IQCE: variants seen among roughly 807,000 people sequenced by gnomAD.
IQCE encodes the protein IQ domain-containing protein E.
In IQCE, 115 loss-of-function variants were observed where a neutral mutation model predicts 96.0. The observed-to-expected ratio is 1.20, with a 90% CI of 1.03 to 1.40. The LOEUF is 1.40. IQCE is among the 40% of genes most tolerant of loss of function. IQCE has a pLI of 0.00. For missense variants in IQCE, 1,041 were observed against 909.1 expected (o/e 1.15, Z -1.87); for synonymous variants, 412 against 371.2 (o/e 1.11, Z -1.26).
intron 9 of IQCE, 119 bp from the exon 10 acceptor site, chr7:2,583,518 C>T (rs1476419295): frequency 2.4e-5 from 13 of 537,068 alleles, no homozygotes; most frequent in Non-Finnish European, 3.7e-5. Context: ...GCTTTTCCCT[C>T]CCATCCTGGG....
At chr7:2,605,628 ATAAATAAG>A (rs1174757866) in intron 19 of IQCE, among the ~76,000 whole-genome samples, 2 of 145,180 alleles carry the variant, frequency 1.4e-5, no homozygotes, top group African/African-American at 2.6e-5. Context: ...TCAAAAATAA[ATAAATAAG>A]TAAATAAATA....
chr7:2,572,075 C>A, intron 4 of IQCE, 117 bp from the exon 5 acceptor site: 1 of 1,098,166 alleles, frequency 9.1e-7, no homozygotes, highest in Non-Finnish European at 1.3e-6. Context: ...ACGACACTGA[C>A]GGCTGGCGTC....
Position 2,607,377 on chromosome 7 carries a change from T to TA in IQCE, c.1969+151dup, listed in dbSNP as rs765953690. The TA allele has an allele frequency of 1.0e-5, 14 of 1,391,086 alleles. No individual in the cohort carries two copies. In the East Asian group the frequency reaches 2.0e-4, roughly 20 times the overall value. 86.2% of individuals were successfully genotyped at this position (1,391,086 alleles called of 1,614,324 possible). A position where few individuals can be genotyped will look rare whatever the true frequency, so the allele number is the denominator to read the frequency against. On this transcript the variant is annotated intron_variant, in intron 21 of 21. Transcript: ENST00000402050. The stretch of plus-strand genomic sequence containing the variant: ...GCTGCCTCTGAACTAAGCGTCGCCT[T>TA]ATGCCAGGAAGGCCCACAACAGGGC...
Position 2,605,892 on chromosome 7 carries a change from G to A in IQCE, c.1760G>A (p.Arg587His), listed in dbSNP as rs10950797. 262,716 of 1,603,448 alleles carry A rather than the reference G, an allele frequency of 0.16. 26,198 individuals are homozygous for A. Among genetic ancestry groups the A allele is most frequent in the East Asian group, 0.47 (20,572 of 43,818 alleles). Residue 587 changes from arginine (R) to histidine (H), a missense_variant, in exon 20 of 22, where the codon CGC becomes CAC. Coordinates refer to ENST00000402050, the MANE Select transcript of IQCE (RefSeq NM_152558.5). ...GCACCCCAGAGCTCTCCTGTGCCCC[G>A]CGTTCCGAGCCCCATCGCCCAGGCC... ...GLPDQSSPVP[R>H]VPSPIAQATG...
At chr7:2,609,078 C>T (rs968188770) in intron 21 of IQCE, among the ~76,000 whole-genome samples, 18 of 152,196 alleles carry the variant, frequency 1.2e-4, no homozygotes, top group Admixed American at 3.9e-4. Flanking sequence ...GCAAGGAGCT[C>T]TGGGGCTGCT....
chr7:2,566,128 A>C (rs969627294), intron 1 of IQCE, among the ~76,000 whole-genome samples: 1 of 152,204 alleles, frequency 6.6e-6, no homozygotes, highest in Non-Finnish European at 1.5e-5. Context: ...AAGCTGTAGA[A>C]CTATTGGCTC....
intron 6 of IQCE, among the ~76,000 whole-genome samples, chr7:2,577,664 C>T (rs543814617): frequency 9.7e-5 from 7 of 71,852 alleles, no homozygotes; most frequent in African/African-American, 3.5e-4. Context: ...GCTGTGCGCG[C>T]GGGGACGTGT....
rs1783901041 is a variant in IQCE at position 2,594,885 on chromosome 7, G to C, written c.1350-1G>C. On this transcript the variant is annotated splice_acceptor_variant, in intron 15 of 21. Coordinates refer to ENST00000402050, the MANE Select transcript of IQCE (RefSeq NM_152558.5). LOFTEE classifies it high-confidence loss of function. The stretch of plus-strand genomic sequence containing the variant: ...TCTCATCTTTTCCCTTTCCGCCTTA[G>C]AGAGGAGATTCAGACACTTACCAGC... 2 of 1,607,750 alleles carry C rather than the reference G, an allele frequency of 1.2e-6. No homozygotes were observed. The highest frequency in any genetic ancestry group is 1.3e-5 in the African/African-American group (1 of 74,810).
chr7:2,574,823 C>T (rs1470341379), intron 6 of IQCE, among the ~76,000 whole-genome samples: 2 of 152,140 alleles, frequency 1.3e-5, no homozygotes, highest in African/African-American at 2.4e-5. Context: ...ATTCTGTCCT[C>T]GAGCTCACGG....
chr7:2,596,569 A>T (rs907332886), intron 16 of IQCE, among the ~76,000 whole-genome samples: 2 of 152,250 alleles, frequency 1.3e-5, no homozygotes, highest in East Asian at 3.8e-4. Flanking sequence ...AGCTCTCAGC[A>T]TTCACATGGG....
At position 2,612,989 on chromosome 7, in the gene IQCE, G is replaced by A. The variant is rs1481308259; in HGVS notation, c.*2827G>A. The A allele has an allele frequency of 6.6e-6, 1 of 152,246 alleles. No homozygotes were observed. The highest frequency in any genetic ancestry group is 2.4e-5 in the African/African-American group (1 of 41,440). 9.4% of individuals were successfully genotyped at this position (152,246 alleles called of 1,614,324 possible). A position where few individuals can be genotyped will look rare whatever the true frequency, so the allele number is the denominator to read the frequency against. On this transcript the variant is annotated 3_prime_UTR_variant, in exon 22 of 22. Transcript: ENST00000402050. The stretch of plus-strand genomic sequence containing the variant: ...CTACCACTTCAGGGTCGACGTTGGT[G>A]GCAGGTGTTGTTCACGGTGTACTGA...
At chr7:2,597,047 C>T (rs909134485) in intron 16 of IQCE, 2 of 471,314 alleles carry the variant, frequency 4.2e-6, no homozygotes, top group Non-Finnish European at 4.4e-6. Context: ...CGCAAGGCCA[C>T]GCAGGAGCGG....
At chr7:2,579,134 A>G (rs1013146751) in intron 8 of IQCE, among the ~76,000 whole-genome samples, 1 of 151,906 alleles carries the variant, frequency 6.6e-6, no homozygotes, top group African/African-American at 2.4e-5. Flanking sequence ...CTCAGATACT[A>G]TGTGACAATA....
At chr7:2,571,413 A>T in intron 3 of IQCE, 113 bp from the exon 4 acceptor site, 1 of 1,328,908 alleles carries the variant, frequency 7.5e-7, no homozygotes, top group Non-Finnish European at 1.1e-6. Flanking sequence ...ATGTTTGACT[A>T]GAGTCACCAC....
chr7:2,609,947 T>C (rs1260759464), intron 21 of IQCE, 97 bp from the exon 22 acceptor site: 13 of 718,736 alleles, frequency 1.8e-5, no homozygotes, highest in Non-Finnish European at 9.8e-6. Context: ...GCTGCCGTCT[T>C]GCCTGCCGGG....
chr7:2,563,562 T>A (rs114674729), intron 1 of IQCE, among the ~76,000 whole-genome samples: 1,656 of 152,234 alleles, frequency 0.011, 31 homozygotes, highest in African/African-American at 0.037. Flanking sequence ...GTGATCTTTT[T>A]AAAATATAGA....
At chr7:2,603,018 G>A (rs936680894) in intron 18 of IQCE, among the ~76,000 whole-genome samples, 59 of 152,286 alleles carry the variant, frequency 3.9e-4, no homozygotes, top group Non-Finnish European at 7.4e-4. Context: ...CTTCGGTTCT[G>A]CAGCCCCTCC....
chr7:2,608,192 G>A (rs1239095791), intron 21 of IQCE, among the ~76,000 whole-genome samples: 1 of 152,228 alleles, frequency 6.6e-6, no homozygotes, highest in Non-Finnish European at 1.5e-5. Context: ...CAGCCCCCCA[G>A]TACCACTCCA....
At chr7:2,594,691 G>A (rs1783882199) in intron 15 of IQCE, among the ~76,000 whole-genome samples, 195 bp from the exon 16 acceptor site, 1 of 152,272 alleles carries the variant, frequency 6.6e-6, no homozygotes, top group Admixed American at 6.5e-5. Context: ...GGAAGTCCCG[G>A]CCTGCGATGG....
Sources: allele counts gnomAD v4.1 joint callset (sites outside exome capture counted in the v4.1 genomes callset), GRCh38; gene constraint gnomAD v4.1.1; transcripts MANE v1.5; gene names NCBI Gene and HGNC (gene_info 2026-07-23, HGNC 2026-07-21).